VPS53: variants seen among roughly 807,000 people sequenced by gnomAD.
VPS53 encodes the protein vacuolar protein sorting-associated protein 53 homolog.
Under a neutral mutation model 107.0 loss-of-function variants are expected in VPS53, and 70 were observed. The observed-to-expected ratio is 0.65, with a 90% CI of 0.54 to 0.80. The LOEUF (loss-of-function observed/expected upper bound fraction) is 0.80. Ranked by LOEUF, VPS53 falls within the 30% of genes least tolerant of loss-of-function variation. VPS53 has a pLI of 0.00. For missense variants in VPS53, 917 were observed against 1,049.4 expected, an observed-to-expected ratio of 0.87 and a Z score of 1.74; for synonymous variants, 409 against 393.3, an observed-to-expected ratio of 1.04 and a Z score of -0.47.
At chr17:525,353 C>T (rs1909050867) in intron 19 of VPS53, among the ~76,000 whole-genome samples, 1 of 152,012 alleles carries the variant, frequency 6.6e-6, no homozygotes, top group Non-Finnish European at 1.5e-5. Context: ...TTCATGGGGG[C>T]GGTCTTCAGC....
chr17:618,273 C>T (rs1969248678), intron 11 of VPS53, among the ~76,000 whole-genome samples: 2 of 90,082 alleles, frequency 2.2e-5, no homozygotes, highest in Admixed American at 1.1e-4. Flanking sequence ...GCTAATATTT[C>T]CCGGGTAGCT....
intron 4 of VPS53, among the ~76,000 whole-genome samples, chr17:663,077 C>A (rs906114886): frequency 1.4e-4 from 22 of 152,050 alleles, no homozygotes; most frequent in Non-Finnish European, 2.2e-4. Context: ...GTGGCGCACA[C>A]CAGTAGTCTC....
rs776095320 is a variant in VPS53, at chr17:628,078, C to G, written c.831+10G>C. ...AATGTTACATCTGATCTTATTTGGT[C>G]AATACTCACATCTTGGTTTTCTTGA... On this transcript the variant is annotated intron_variant, in intron 9 of 21. Transcript: ENST00000437048. 7 of 1,607,186 alleles carry G rather than the reference C, an allele frequency of 4.4e-6. No individual in the cohort carries two copies. In the African/African-American group the frequency reaches 8.1e-5, roughly 19 times the overall value.
chr17:595,720 T>A (rs1483639969), intron 12 of VPS53, among the ~76,000 whole-genome samples: 16 of 132,982 alleles, frequency 1.2e-4, no homozygotes, highest in Non-Finnish European at 2.1e-4. Context: ...GGGGTCTGGA[T>A]CAATTTCCTG....
At position 654,395 on chromosome 17, in the gene VPS53, G is replaced by C. The variant is rs1971088263; in HGVS notation, c.489-985C>G. 2.0e-5 allele frequency among the ~76,000 whole-genome samples: 3 copies of C among 151,980 alleles called. No individual in the cohort carries two copies. In the South Asian group the frequency reaches 6.2e-4, roughly 32 times the overall value. Reference sequence around the variant, plus strand: ...AGATCTAAATTTTTCATTAGGGTTGGGTTATTTCATTAAATTTGTAATTTA... The same window carrying C: ...AGATCTAAATTTTTCATTAGGGTTGCGTTATTTCATTAAATTTGTAATTTA... On this transcript the variant is annotated intron_variant, in intron 6 of 21. Coordinates refer to ENST00000437048, the MANE Select transcript of VPS53 (RefSeq NM_001128159.3).
At chr17:540,552 G>C (rs1211517754) in intron 17 of VPS53, 1 of 151,994 alleles carries the variant, frequency 6.6e-6, no homozygotes, top group Admixed American at 6.6e-5. Flanking sequence ...TGCATTGGAA[G>C]AACAAACATC....
intron 9 of VPS53, among the ~76,000 whole-genome samples, chr17:627,541 G>A (rs1375418633): frequency 2.0e-5 from 3 of 152,134 alleles, no homozygotes; most frequent in African/African-American, 4.8e-5. Context: ...ACTTTGGGAG[G>A]CCGAGGTCAG....
chr17:588,965 T>C (rs1967483205), intron 12 of VPS53, among the ~76,000 whole-genome samples: 4 of 112,782 alleles, frequency 3.5e-5, no homozygotes, highest in Admixed American at 1.8e-4. Flanking sequence ...AAAAATGTGA[T>C]TTAATTTGTC....
intron 13 of VPS53, among the ~76,000 whole-genome samples, chr17:564,600 A>T (rs530652730): frequency 1.8e-4 from 28 of 151,500 alleles, no homozygotes; most frequent in African/African-American, 6.6e-4. Flanking sequence ...AATCCCAGCT[A>T]CTTGGAAGGC....
chr17:574,008 A>T (rs1369759554), intron 13 of VPS53, among the ~76,000 whole-genome samples: 1 of 152,182 alleles, frequency 6.6e-6, no homozygotes, highest in Non-Finnish European at 1.5e-5. Flanking sequence ...TTTTGACAAG[A>T]GCGTCGATGC....
At position 709,433 on chromosome 17, in the gene VPS53, T is replaced by C. The variant is rs573845827; in HGVS notation, c.168+1100A>G. On this transcript the variant is annotated intron_variant, in intron 2 of 21. Transcript: ENST00000437048. ...TAAACGACTGCTACGTTTTACTAAATGAATACATGAATGAATCCCTCAAGC... is the reference window on the plus strand; with the variant it reads ...TAAACGACTGCTACGTTTTACTAAACGAATACATGAATGAATCCCTCAAGC... Among the ~76,000 whole-genome samples, 5 of 152,374 alleles carry C rather than the reference T, an allele frequency of 3.3e-5. No homozygotes were observed. The South Asian group carries it at 1.0e-3, about 32-fold the overall frequency.
chr17:608,580 G>A (rs1318317701), intron 11 of VPS53, among the ~76,000 whole-genome samples: 5 of 151,366 alleles, frequency 3.3e-5, no homozygotes, highest in Non-Finnish European at 7.4e-5. Context: ...GTTTTTAATA[G>A]GCATATATAG....
At chr17:708,495 C>T (rs992382241) in intron 2 of VPS53, among the ~76,000 whole-genome samples, 5 of 152,152 alleles carry the variant, frequency 3.3e-5, no homozygotes, top group Admixed American at 1.3e-4. Context: ...TGAAAGTGGA[C>T]CAGGAGCATG....
chr17:655,343 T>A (rs1971144739), intron 6 of VPS53, among the ~76,000 whole-genome samples: 2 of 151,516 alleles, frequency 1.3e-5, no homozygotes, highest in Non-Finnish European at 2.9e-5. Flanking sequence ...ATGATTGAGT[T>A]CTGTCTCATA....
At position 517,277 on chromosome 17, in the gene VPS53, G is replaced by GC. The variant is rs1228678329; in HGVS notation, c.*1850dup. ...TCCTCCGCATTCTCAAATTTGAGAC[G>GC]CTTGATGCGTGAGAGTCAAACCAGC... On this transcript the variant is annotated 3_prime_UTR_variant, in exon 22 of 22. Coordinates refer to ENST00000437048, the MANE Select transcript of VPS53 (RefSeq NM_001128159.3). 3 of 393,578 alleles carry GC rather than the reference G, an allele frequency of 7.6e-6. No homozygotes were observed. In the Admixed American group the frequency reaches 1.3e-4, roughly 17 times the overall value. The allele number at this position is 393,578 out of a possible 1,614,324, so 24.4% of individuals were successfully genotyped here. A position where few individuals can be genotyped will look rare whatever the true frequency, so the allele number is the denominator to read the frequency against.
chr17:604,071 A>C (rs537341112), intron 11 of VPS53, among the ~76,000 whole-genome samples: 12 of 152,362 alleles, frequency 7.9e-5, no homozygotes, highest in South Asian at 2.1e-4. Flanking sequence ...ACAGAATTTG[A>C]GTTTTTGAAC....
At chr17:665,885 T>C (rs1022421219) in intron 4 of VPS53, among the ~76,000 whole-genome samples, 17 of 152,082 alleles carry the variant, frequency 1.1e-4, no homozygotes, top group Admixed American at 1.0e-3. Context: ...GCACCTGTCA[T>C]CCCAGCTACT....
chr17:663,616 T>A (rs888610025), intron 4 of VPS53, among the ~76,000 whole-genome samples: 1 of 152,108 alleles, frequency 6.6e-6, no homozygotes, highest in Non-Finnish European at 1.5e-5. Flanking sequence ...AGCTAAAGTG[T>A]CTGTGAGCGT....
At chr17:598,597 G>A (rs1224668423) in intron 12 of VPS53, among the ~76,000 whole-genome samples, 1 of 148,620 alleles carries the variant, frequency 6.7e-6, no homozygotes, top group Non-Finnish European at 1.5e-5. Flanking sequence ...GATGTGGGGA[G>A]CGCCTCTGCC....
Sources: gnomAD v4.1 joint callset for allele counts (sites outside exome capture counted in the v4.1 genomes callset) on GRCh38, gnomAD v4.1.1 for gene constraint, MANE v1.5 for transcripts, NCBI Gene and HGNC (gene_info 2026-07-23, HGNC 2026-07-21) for gene names.